SCPEP1: variants seen among roughly 807,000 people sequenced by gnomAD.
The protein encoded by SCPEP1 is serine carboxypeptidase 1.
A neutral mutation model predicts 63.8 loss-of-function variants in SCPEP1; 51 were observed. The observed-to-expected ratio is 0.80, with a 90% CI of 0.64 to 1.01. SCPEP1 has a LOEUF of 1.01. Among genes scored for constraint, SCPEP1 ranks in the 50% least tolerant of loss-of-function variants. The pLI is 0.00. For synonymous variants in SCPEP1, 204 were observed against 207.8 expected (o/e 0.98, Z 0.16); for missense variants, 499 against 554.9 (o/e 0.90, Z 1.01).
At chr17:57,005,747 G>A (rs1046455980) in intron 12 of SCPEP1, among the ~76,000 whole-genome samples, 1 of 152,138 alleles carries the variant, frequency 6.6e-6, no homozygotes, top group East Asian at 1.9e-4. Flanking sequence ...TATTATTTGC[G>A]GCTCTCTGCT....
intron 5 of SCPEP1, among the ~76,000 whole-genome samples, chr17:56,990,483 G>A (rs1172072634): frequency 1.3e-5 from 2 of 152,010 alleles, no homozygotes; most frequent in African/African-American, 2.4e-5. Flanking sequence ...TTAGCATCTG[G>A]GTATATAGCT....
chr17:57,004,533 T>C (rs1007083969), intron 12 of SCPEP1, among the ~76,000 whole-genome samples: 1 of 152,212 alleles, frequency 6.6e-6, no homozygotes, highest in African/African-American at 2.4e-5. Context: ...GAGTACCCCT[T>C]ATCTGAGATG....
At position 56,985,436 on chromosome 17, in the gene SCPEP1, A is replaced by G; in HGVS notation, c.284A>G (p.Asp95Gly). The change falls in exon 3 of 13, where the codon GAC (aspartate) becomes GGC (glycine). Residue 95 changes from aspartate to glycine, a missense_variant. By Grantham distance (94) the Asp-to-Gly change is moderately conservative (BLOSUM62 -1). Transcript: ENST00000262288. ...FGNFEEIGPLDSDLKPRKTTW... is the reference protein window; with the variant it reads ...FGNFEEIGPLGSDLKPRKTTW... ...AACTTTGAGGAAATTGGGCCCCTTG[A>G]CAGTGATCTCAAACCACGGAAAACC... 1 of 1,614,186 alleles carries G rather than the reference A, an allele frequency of 6.2e-7. No individual in the cohort carries two copies. The highest frequency in any genetic ancestry group is 2.2e-5 in the East Asian group (1 of 44,876).
Position 56,987,703 on chromosome 17 carries a change from T to C in SCPEP1, c.324T>C (p.Ala108=), listed in dbSNP as rs771967463. 6.2e-6 allele frequency: 10 copies of C among 1,613,592 alleles called. No individual in the cohort carries two copies. Among genetic ancestry groups the C allele is most frequent in the Non-Finnish European group, 8.5e-6 (10 of 1,179,870 alleles). ...TCCTCCGTGGTACATAGCTCCAGGC[T>C]GCCAGTCTCCTATTTGTGGATAATC... The part of the protein sequence containing the change: ...LKPRKTTWLQ[A]ASLLFVDNPV... Residue 108 remains alanine, a synonymous_variant, in exon 4 of 13, where the codon GCT becomes GCC. Coordinates refer to ENST00000262288, the MANE Select transcript of SCPEP1 (RefSeq NM_021626.3).
chr17:57,006,273 G>A lies in SCPEP1; in HGVS notation c.*38G>A, dbSNP rs772695641. 1.3e-6 allele frequency: 2 copies of A among 1,565,160 alleles called. No individual in the cohort carries two copies. Among genetic ancestry groups the A allele is most frequent in the South Asian group, 2.3e-5 (2 of 87,718 alleles). On this transcript the variant is annotated 3_prime_UTR_variant, in exon 13 of 13. Coordinates refer to ENST00000262288, the MANE Select transcript of SCPEP1 (RefSeq NM_021626.3). ...TGGAGATGAGCTGGTTTGGCCTTGG[G>A]GCACAGAGCTGAGCTGAGGCCGCTG...
Position 56,998,227 on chromosome 17 carries a change from C to G in SCPEP1, c.881-158C>G, listed in dbSNP as rs559720824. On this transcript the variant is annotated intron_variant, in intron 9 of 12. Transcript: ENST00000262288. ...TCGGGAGGCTGAGGCAGGAAAATCGCTTGAACCCAGGAGGCGGAGGTTTCA... is the reference window on the plus strand; with the variant it reads ...TCGGGAGGCTGAGGCAGGAAAATCGGTTGAACCCAGGAGGCGGAGGTTTCA... 280 of 524,960 alleles carry G rather than the reference C, an allele frequency of 5.3e-4. 1 individual carries two copies. The highest frequency in any genetic ancestry group is 5.2e-3 in the African/African-American group (266 of 51,442). 32.5% of individuals were successfully genotyped at this position (524,960 alleles called of 1,614,324 possible).
At chr17:56,993,775 G>T (rs1911466862) in intron 6 of SCPEP1, among the ~76,000 whole-genome samples, 1 of 152,178 alleles carries the variant, frequency 6.6e-6, no homozygotes, top group South Asian at 2.1e-4. Flanking sequence ...GTCTATGGCT[G>T]TTTGGAGGCT....
At chr17:56,995,309 G>A (rs753239886) in intron 7 of SCPEP1, 198 bp from the exon 8 acceptor site, 59 of 593,526 alleles carry the variant, frequency 9.9e-5, no homozygotes, top group Admixed American at 4.5e-4. Flanking sequence ...GAAAGATCAC[G>A]GTGAATACCT....
At chr17:57,001,695 GTCC>G (rs1911744499) in intron 11 of SCPEP1, among the ~76,000 whole-genome samples, 1 of 152,210 alleles carries the variant, frequency 6.6e-6, no homozygotes, top group African/African-American at 2.4e-5. Context: ...ACATCTCTCA[GTCC>G]TCCTCACAGG....
In SCPEP1 at chr17:56,987,833, T is replaced by G. The variant is rs769986463; in HGVS notation, c.454T>G (p.Cys152Gly). The part of the protein sequence containing the change: ...MMVLLKTFFS[C>G]HKEFQTVPFY... ...GGTTCTCCTGAAGACCTTCTTCAGT[T>G]GCCACAAAGAATTCCAGGTAAGCAA... Residue 152 changes from cysteine (C) to glycine (G), a missense_variant, in exon 4 of 13, where the codon TGC (cysteine) becomes GGC (glycine). Coordinates refer to ENST00000262288, the MANE Select transcript of SCPEP1 (RefSeq NM_021626.3). 2 of 1,614,108 alleles carry G rather than the reference T, an allele frequency of 1.2e-6. No homozygotes were observed. Among genetic ancestry groups the G allele is most frequent in the African/African-American group, 1.3e-5 (1 of 75,030 alleles).
chr17:56,997,187 TTTCA>T, intron 9 of SCPEP1, 132 bp downstream of exon 9: 1 of 555,664 alleles, frequency 1.8e-6, no homozygotes, highest in East Asian at 2.9e-5. Context: ...TGTAAGTGGT[TTTCA>T]GTATATTCCC....
At chr17:56,986,222 T>C (rs1300835795) in intron 3 of SCPEP1, among the ~76,000 whole-genome samples, 1 of 129,856 alleles carries the variant, frequency 7.7e-6, no homozygotes. Context: ...CTTTCTGCTC[T>C]TTTTTTTTTT....
intron 3 of SCPEP1, among the ~76,000 whole-genome samples, chr17:56,986,811 C>T (rs1005200061): frequency 2.0e-5 from 3 of 152,182 alleles, no homozygotes; most frequent in Non-Finnish European, 2.9e-5. Context: ...TCCCAAAGTG[C>T]TGGGATTACA....
Position 57,006,176 on chromosome 17 carries a change from C to G in SCPEP1, c.1300C>G (p.Pro434Ala), listed in dbSNP as rs1161028119. The change falls in exon 13 of 13, where the codon CCT (proline) becomes GCT (alanine). Residue 434 changes from proline (P) to alanine (A), a missense_variant. Coordinates refer to ENST00000262288, the MANE Select transcript of SCPEP1 (RefSeq NM_021626.3). ...YWILKAGHMV[P>A]SDQGDMALKM... The stretch of plus-strand genomic sequence containing the variant: ...CTCAGATGTTGTTTTTTTCTAGGTT[C>G]CTTCTGACCAAGGGGACATGGCTCT... The G allele has an allele frequency of 6.2e-7, 1 of 1,608,788 alleles. No individual in the cohort carries two copies. Among genetic ancestry groups the G allele is most frequent in the Non-Finnish European group, 8.5e-7 (1 of 1,177,842 alleles).
chr17:57,005,384 T>C (rs780653316), intron 12 of SCPEP1, among the ~76,000 whole-genome samples: 1 of 152,190 alleles, frequency 6.6e-6, no homozygotes, highest in Non-Finnish European at 1.5e-5. Context: ...GGGGACAGGC[T>C]TAAAATAGCC....
At chr17:57,005,921 G>C (rs1911877533) in intron 12 of SCPEP1, among the ~76,000 whole-genome samples, 1 of 152,184 alleles carries the variant, frequency 6.6e-6, no homozygotes, top group African/African-American at 2.4e-5. Flanking sequence ...AAATGGAGTA[G>C]AAGGTTCTTG....
chr17:57,001,773 G>C (rs1020513804), intron 11 of SCPEP1, among the ~76,000 whole-genome samples: 2 of 152,168 alleles, frequency 1.3e-5, no homozygotes, highest in African/African-American at 4.8e-5. Context: ...GAGATGCAGA[G>C]GCAAAATCAG....
chr17:57,002,310 T>A, intron 12 of SCPEP1, 129 bp downstream of exon 12: 2 of 846,798 alleles, frequency 2.4e-6, no homozygotes, highest in Non-Finnish European at 3.6e-6. Flanking sequence ...CCAGGTACAG[T>A]GGCTCATGCC....
At chr17:56,985,530 TC>T in intron 3 of SCPEP1, 63 bp downstream of exon 3, 4 of 1,234,546 alleles carry the variant, frequency 3.2e-6, no homozygotes, top group African/African-American at 1.5e-5. Context: ...CCTGCCCAAC[TC>T]TGGGAGGGGC....
Sources: gnomAD v4.1 joint callset for allele counts (sites outside exome capture counted in the v4.1 genomes callset) on GRCh38, gnomAD v4.1.1 for gene constraint, MANE v1.5 for transcripts, NCBI Gene and HGNC (gene_info 2026-07-23, HGNC 2026-07-21) for gene names.